Variants in PITPNC1 observed in about 807,000 individuals in gnomAD.
PITPNC1 encodes cytoplasmic phosphatidylinositol transfer protein 1.
In PITPNC1, 18 loss-of-function variants were observed where a neutral mutation model predicts 44.7. The observed-to-expected ratio is 0.40, with a 90% CI of 0.28 to 0.60. The LOEUF is 0.60. Among genes scored for constraint, PITPNC1 ranks in the 20% least tolerant of loss-of-function variants. The probability of loss-of-function intolerance (pLI) is 0.39; values close to 1 mark genes in which losing one functional copy is unlikely to be tolerated. For missense variants in PITPNC1, 290 were observed against 418.4 expected, an observed-to-expected ratio of 0.69 and a Z score of 2.68; for synonymous variants, 141 against 149.6, an observed-to-expected ratio of 0.94 and a Z score of 0.42.
rs370368722 is a variant in PITPNC1 at position 67,521,785 on chromosome 17, G to A, written c.49-11017G>A. ...TAGAGTTACTCTCGGGCAGAACTTCGGGATAAGGAGCAACTGGAGACGGTC... is the reference window on the plus strand; with the variant it reads ...TAGAGTTACTCTCGGGCAGAACTTCAGGATAAGGAGCAACTGGAGACGGTC... On this transcript the variant is annotated intron_variant, in intron 1 of 8. Coordinates refer to ENST00000581322, the MANE Select transcript of PITPNC1 (RefSeq NM_012417.4). Among the ~76,000 whole-genome samples the A allele has an allele frequency of 4.4e-4, 67 of 152,246 alleles. 2 individuals are homozygous for A. The highest frequency in any genetic ancestry group is 1.6e-3 in the African/African-American group (67 of 41,540).
intron 1 of PITPNC1, among the ~76,000 whole-genome samples, chr17:67,488,021 T>A (rs2039806581): frequency 6.6e-6 from 1 of 152,204 alleles, no homozygotes; most frequent in African/African-American, 2.4e-5. Flanking sequence ...AAGGTTTGGA[T>A]TACCGAGCAG....
intron 1 of PITPNC1, among the ~76,000 whole-genome samples, chr17:67,519,800 A>G (rs563711371): frequency 1.1e-4 from 16 of 152,272 alleles, no homozygotes; most frequent in African/African-American, 3.6e-4. Context: ...CAATCCACAT[A>G]TATAACCCTC....
intron 1 of PITPNC1, among the ~76,000 whole-genome samples, chr17:67,494,189 C>CTTTCTTTCTTTCTTTCTTTCT (rs2039905776): frequency 1.8e-4 from 11 of 62,064 alleles, no homozygotes; most frequent in African/African-American, 5.7e-4. Flanking sequence ...CTTTCTTTTT[C>CTTTCTTTCTTTCTTTCTTTCT]TTTCTTTCTT....
chr17:67,618,028 A>G (rs2041782095), intron 5 of PITPNC1, among the ~76,000 whole-genome samples: 1 of 152,144 alleles, frequency 6.6e-6, no homozygotes, highest in South Asian at 2.1e-4. Context: ...TATATACCAT[A>G]CAACCCAGCA....
intron 5 of PITPNC1, among the ~76,000 whole-genome samples, chr17:67,579,804 G>A (rs2041204772): frequency 6.6e-6 from 1 of 152,008 alleles, no homozygotes; most frequent in East Asian, 1.9e-4. Context: ...GCCGGGCGTG[G>A]TGGCGCATGC....
chr17:67,526,211 G>A (rs1320578453), intron 1 of PITPNC1, among the ~76,000 whole-genome samples: 1 of 152,176 alleles, frequency 6.6e-6, no homozygotes, highest in Admixed American at 6.5e-5. Context: ...CTTTAGGGTA[G>A]GGGGTTATGG....
intron 1 of PITPNC1, among the ~76,000 whole-genome samples, chr17:67,410,468 C>T (rs1205950805): frequency 4.6e-5 from 7 of 152,104 alleles, no homozygotes; most frequent in East Asian, 3.9e-4. Context: ...ACTGCAGCTG[C>T]GACCTCCCAA....
At chr17:67,599,558 C>G (rs2041514503) in intron 5 of PITPNC1, among the ~76,000 whole-genome samples, 1 of 152,038 alleles carries the variant, frequency 6.6e-6, no homozygotes, top group Non-Finnish European at 1.5e-5. Context: ...GCCTGGGAGT[C>G]ACAAAGGCCC....
intron 6 of PITPNC1, among the ~76,000 whole-genome samples, chr17:67,660,466 C>T (rs2042326751): frequency 6.6e-6 from 1 of 152,016 alleles, no homozygotes; most frequent in African/African-American, 2.4e-5. Context: ...TGCTACGGGC[C>T]AGGCCCTATA....
At chr17:67,527,494 G>A (rs1331847717) in intron 1 of PITPNC1, among the ~76,000 whole-genome samples, 1 of 151,656 alleles carries the variant, frequency 6.6e-6, no homozygotes, top group Admixed American at 6.6e-5. Context: ...CATGAGGTCA[G>A]GAGTTCGAGA....
intron 1 of PITPNC1, among the ~76,000 whole-genome samples, chr17:67,488,584 A>T (rs1276269156): frequency 6.6e-6 from 1 of 152,242 alleles, no homozygotes; most frequent in East Asian, 1.9e-4. Flanking sequence ...TGGAGATAAG[A>T]CATGTAACAA....
intron 1 of PITPNC1, among the ~76,000 whole-genome samples, chr17:67,507,333 C>T (rs572644905): frequency 1.3e-3 from 204 of 152,140 alleles, no homozygotes; most frequent in Middle Eastern, 3.4e-3. Flanking sequence ...GAGAGGAGTT[C>T]AGATGTTGCT....
intron 5 of PITPNC1, among the ~76,000 whole-genome samples, chr17:67,615,659 C>T (rs536797269): frequency 3.9e-5 from 6 of 152,214 alleles, no homozygotes; most frequent in East Asian, 3.9e-4. Flanking sequence ...AAGGCTGGCC[C>T]GTGAGTGTCT....
At chr17:67,607,821 C>T (rs1212213437) in intron 5 of PITPNC1, among the ~76,000 whole-genome samples, 4 of 151,564 alleles carry the variant, frequency 2.6e-5, no homozygotes, top group African/African-American at 7.3e-5. Context: ...CTCTGCCTCC[C>T]GGGTTCAAGC....
At chr17:67,487,408 C>T (rs1205709426) in intron 1 of PITPNC1, among the ~76,000 whole-genome samples, 2 of 152,162 alleles carry the variant, frequency 1.3e-5, no homozygotes, top group Admixed American at 6.5e-5. Context: ...CTCCTGGCCT[C>T]AAACGATCCA....
intron 1 of PITPNC1, among the ~76,000 whole-genome samples, chr17:67,448,146 C>T (rs2039126620): frequency 6.6e-6 from 1 of 151,960 alleles, no homozygotes; most frequent in Non-Finnish European, 1.5e-5. Context: ...GGGGTTTCTC[C>T]ATGCTGGTCA....
At chr17:67,569,426 G>C (rs958273364) in intron 4 of PITPNC1, among the ~76,000 whole-genome samples, 9 of 152,124 alleles carry the variant, frequency 5.9e-5, no homozygotes, top group Non-Finnish European at 8.8e-5. Context: ...CTTTCCTGGC[G>C]TTCTTCTTCC....
chr17:67,673,761 C>T (rs2042551335), intron 7 of PITPNC1, among the ~76,000 whole-genome samples: 1 of 151,510 alleles, frequency 6.6e-6, no homozygotes, highest in Non-Finnish European at 1.5e-5. Flanking sequence ...CCAGCCTGAC[C>T]AACATGGTGA....
intron 1 of PITPNC1, among the ~76,000 whole-genome samples, chr17:67,460,368 G>T (rs1439429777): frequency 6.6e-6 from 1 of 152,068 alleles, no homozygotes; most frequent in African/African-American, 2.4e-5. Context: ...GCAGGAGGCA[G>T]GATTCTTTCG....
Sources: allele counts gnomAD v4.1 joint callset (sites outside exome capture counted in the v4.1 genomes callset), GRCh38; gene constraint gnomAD v4.1.1; transcripts MANE v1.5; gene names NCBI Gene and HGNC (gene_info 2026-07-23, HGNC 2026-07-21).